C16orf96: variants seen among roughly 807,000 people sequenced by gnomAD.
The protein encoded by C16orf96 is uncharacterized protein C16orf96.
Under a neutral mutation model 103.6 loss-of-function variants are expected in C16orf96, and 108 were observed. The ratio of observed to expected loss-of-function variants is 1.04; its 90% CI spans 0.89 to 1.22. The LOEUF (loss-of-function observed/expected upper bound fraction) is 1.22, where lower values mean the gene tolerates loss of function less well. C16orf96 is among the 50% of genes most tolerant of loss of function. The probability of loss-of-function intolerance (pLI) is 0.00; values close to 1 mark genes in which losing one functional copy is unlikely to be tolerated. For missense variants in C16orf96, 1,586 were observed against 1,464.2 expected, an observed-to-expected ratio of 1.08 and a Z score of -1.36; for synonymous variants, 566 against 593.5, an observed-to-expected ratio of 0.95 and a Z score of 0.67.
chr16:4,543,544 T>A, the C16orf96 span, among the ~76,000 whole-genome samples: 1 of 151,932 alleles, frequency 6.6e-6, no homozygotes, highest in African/African-American at 2.4e-5. Context: ...AGGCTGGTCT[T>A]GAACTCCTAG....
chr16:4,579,502 C>G (rs1053632959), intron 6 of C16orf96, among the ~76,000 whole-genome samples: 20 of 136,094 alleles, frequency 1.5e-4, no homozygotes, highest in Non-Finnish European at 2.9e-4. Context: ...TGCAATGAGC[C>G]AAGATCACGC....
In C16orf96 at chr16:4,575,299, C is replaced by G; in HGVS notation, c.819C>G (p.Asn273Lys). 1 of 1,551,058 alleles carries G rather than the reference C, an allele frequency of 6.4e-7. No individual in the cohort carries two copies. ...RAIQVSEPVQ[N>K]PQLLQTVWHY... Reference sequence around the variant, plus strand: ...TCCAGGTCTCCGAGCCCGTCCAAAACCCCCAGCTACTGCAGACTGTCTGGC... The same window carrying G: ...TCCAGGTCTCCGAGCCCGTCCAAAAGCCCCAGCTACTGCAGACTGTCTGGC... Residue 273 changes from asparagine (N) to lysine (K), a missense_variant, in exon 5 of 16, where the codon AAC becomes AAG. Transcript: ENST00000444310.
At chr16:4,595,464 G>A (rs1019249020) in intron 14 of C16orf96, among the ~76,000 whole-genome samples, 4 of 152,228 alleles carry the variant, frequency 2.6e-5, no homozygotes, top group Non-Finnish European at 5.9e-5. Flanking sequence ...CTGAGGCCCG[G>A]CTCTGGCCGG....
chr16:4,591,657 T>G lies in C16orf96; in HGVS notation c.2593-9T>G. The stretch of plus-strand genomic sequence containing the variant: ...TATTCTTTCTTATCTTCCCCTTGGC[T>G]GTTGGCAGTTAGTCCACAGTGATCT... On this transcript the variant is annotated splice_polypyrimidine_tract_variant and intron_variant, in intron 9 of 15. Coordinates refer to ENST00000444310, the MANE Select transcript of C16orf96 (RefSeq NM_001145011.2). 6 of 1,544,270 alleles carry G rather than the reference T, an allele frequency of 3.9e-6. No individual in the cohort carries two copies. Among genetic ancestry groups the G allele is most frequent in the Non-Finnish European group, 5.3e-6 (6 of 1,140,318 alleles).
chr16:4,572,776 A>C (rs1158871115), intron 2 of C16orf96, among the ~76,000 whole-genome samples: 1 of 152,330 alleles, frequency 6.6e-6, no homozygotes, highest in South Asian at 2.1e-4. Context: ...TAGTGCAGGC[A>C]TACATACAAG....
At chr16:4,547,842 C>T in the C16orf96 span, among the ~76,000 whole-genome samples, 2 of 150,378 alleles carry the variant, frequency 1.3e-5, no homozygotes, top group African/African-American at 2.5e-5. Context: ...CAGTATTGCC[C>T]AGGTTAGTCC....
chr16:4,564,191 TAG>T (rs2059363314), intron 1 of C16orf96, among the ~76,000 whole-genome samples: 2 of 151,988 alleles, frequency 1.3e-5, no homozygotes, highest in African/African-American at 4.8e-5. Context: ...AAGAAAAGAT[TAG>T]TGGTAACTGG....
the C16orf96 span, among the ~76,000 whole-genome samples, chr16:4,541,727 C>G: frequency 5.9e-5 from 9 of 152,136 alleles, no homozygotes; most frequent in Non-Finnish European, 1.2e-4. Context: ...TTCCTCAGTG[C>G]AAGAAGGTGG....
At chr16:4,568,887 C>G (rs909807737) in intron 1 of C16orf96, among the ~76,000 whole-genome samples, 2 of 152,054 alleles carry the variant, frequency 1.3e-5, no homozygotes, top group Admixed American at 1.3e-4. Flanking sequence ...GCTTCAGCCC[C>G]CCAAAATGCT....
rs542005518 is a variant in C16orf96, at chr16:4,565,946, G to A, written c.421-5615G>A. 7.6e-4 allele frequency among the ~76,000 whole-genome samples: 115 copies of A among 152,282 alleles called. 1 individual carries two copies. The highest frequency in any genetic ancestry group is 3.5e-3 in the South Asian group (17 of 4,830). On this transcript the variant is annotated intron_variant, in intron 1 of 15. Transcript: ENST00000444310. ...CAGCCTCAAACTCCTGGTCTCAAGC[G>A]ATCCTCCCATCTCTGCCTCCCAAGT...
intron 1 of C16orf96, among the ~76,000 whole-genome samples, chr16:4,557,929 C>A (rs2059283671): frequency 6.6e-6 from 1 of 152,170 alleles, no homozygotes; most frequent in Non-Finnish European, 1.5e-5. Flanking sequence ...TTTGGCCTCC[C>A]AAAGTGCTGG....
chr16:4,565,221 A>G (rs2059374672), intron 1 of C16orf96, among the ~76,000 whole-genome samples: 2 of 152,136 alleles, frequency 1.3e-5, no homozygotes, highest in South Asian at 2.1e-4. Context: ...GGACTATGGC[A>G]TGGGTCAGCT....
At chr16:4,561,413 A>G (rs1362842425) in intron 1 of C16orf96, 1 of 152,222 alleles carries the variant, frequency 6.6e-6, no homozygotes, top group Non-Finnish European at 1.5e-5. Flanking sequence ...GTTACTAGAG[A>G]CAGGGCTGCC....
chr16:4,540,235 G>A, the C16orf96 span, among the ~76,000 whole-genome samples: 2 of 152,226 alleles, frequency 1.3e-5, no homozygotes, highest in African/African-American at 2.4e-5. Flanking sequence ...CCCTAACAGA[G>A]TTACGGGGTG....
Position 4,600,486 on chromosome 16 carries a change from T to TCC in C16orf96, c.*169_*170insCC. On this transcript the variant is annotated 3_prime_UTR_variant, in exon 16 of 16. Transcript: ENST00000444310. ...CCTCCATGTCCGAGGCTGAGGCTCA[T>TCC]GCGCCCCCCCCCATCCCTACCAAGT... 1 of 330,040 alleles carries TCC rather than the reference T, an allele frequency of 3.0e-6. No homozygotes were observed. Among genetic ancestry groups the TCC allele is most frequent in the South Asian group, 2.4e-5 (1 of 40,958 alleles). The allele number at this position is 330,040 out of a possible 1,614,324, so 20.4% of individuals were successfully genotyped here. A position where few individuals can be genotyped will look rare whatever the true frequency, so the allele number is the denominator to read the frequency against.
At chr16:4,574,597 G>T in intron 2 of C16orf96, 112 bp from the exon 3 acceptor site, 1 of 824,176 alleles carries the variant, frequency 1.2e-6, no homozygotes, top group South Asian at 1.7e-5. Context: ...GGAAACACTG[G>T]ATTTGGAACC....
Position 4,600,227 on chromosome 16 carries a change from G to A in C16orf96, c.3336G>A (p.Gln1112=). Residue 1112 remains glutamine, a synonymous_variant, in exon 16 of 16, where the codon CAG becomes CAA. Transcript: ENST00000444310. Reference sequence around the variant, plus strand: ...TGATTCCATCCCTAAGGGACCCCCAGCAGGCCCCAGGGTCCACCAGGCTCT... The same window carrying A: ...TGATTCCATCCCTAAGGGACCCCCAACAGGCCCCAGGGTCCACCAGGCTCT... ...PPLIPSLRDP[Q]QAPGSTRLSR... is the part of the protein sequence containing the mutation. The A allele has an allele frequency of 6.4e-7, 1 of 1,551,368 alleles. No individual in the cohort carries two copies. The highest frequency in any genetic ancestry group is 8.7e-7 in the Non-Finnish European group (1 of 1,146,896).
chr16:4,583,924 C>CAAAA (rs58974530), intron 7 of C16orf96, among the ~76,000 whole-genome samples: 1 of 78,162 alleles, frequency 1.3e-5, no homozygotes, highest in African/African-American at 4.8e-5. Context: ...GACTGTATCT[C>CAAAA]AAAAAAAAAA....
chr16:4,580,171 T>C, intron 7 of C16orf96, 46 bp downstream of exon 7: 1 of 1,395,160 alleles, frequency 7.2e-7, no homozygotes, highest in Non-Finnish European at 9.6e-7. Flanking sequence ...AAAGGGAGAA[T>C]TCCTCACCTA....
Sources: allele counts gnomAD v4.1 joint callset (sites outside exome capture counted in the v4.1 genomes callset), GRCh38; gene constraint gnomAD v4.1.1; transcripts MANE v1.5; gene names NCBI Gene and HGNC (gene_info 2026-07-23, HGNC 2026-07-21).